Variants in IGF2BP2 observed in about 807,000 individuals in gnomAD.
IGF2BP2 encodes insulin-like growth factor 2 mRNA-binding protein 2.
Under a neutral mutation model 75.8 loss-of-function variants are expected in IGF2BP2, and 17 were observed. The ratio of observed to expected loss-of-function variants is 0.22; its 90% CI spans 0.15 to 0.34. The LOEUF (loss-of-function observed/expected upper bound fraction) is 0.34, where lower values mean the gene tolerates loss of function less well. IGF2BP2 is among the 10% of genes least tolerant of loss of function. The pLI is 1.00. For missense variants in IGF2BP2, 516 were observed against 772.4 expected (o/e 0.67, Z 3.93); for synonymous variants, 288 against 295.6 (o/e 0.97, Z 0.26).
intron 10 of IGF2BP2, 49 bp from the exon 11 acceptor site, chr3:185,658,458 C>A: frequency 1.3e-6 from 2 of 1,532,934 alleles, no homozygotes; most frequent in South Asian, 2.3e-5. Flanking sequence ...CAGGGACTGT[C>A]ACTGGCCTCA....
In IGF2BP2 at chr3:185,652,140, C is replaced by T; in HGVS notation, c.1415G>A (p.Ser472Asn). 1 of 1,613,196 alleles carries T rather than the reference C, an allele frequency of 6.2e-7. No individual in the cohort carries two copies. The highest frequency in any genetic ancestry group is 1.3e-5 in the African/African-American group (1 of 75,070). The change falls in exon 13 of 16, where the codon AGC becomes AAC. Residue 472 changes from serine (S) to asparagine (N), a missense_variant. Transcript: ENST00000382199. ...KIAPAEGPDV[S>N]ERMVIITGPP... Reference sequence around the variant, plus strand: ...CCCGGTGATGATGACCATCCTTTCGCTGACGTCTGGGCCTTCCGCAGGGGC... The same window carrying T: ...CCCGGTGATGATGACCATCCTTTCGTTGACGTCTGGGCCTTCCGCAGGGGC...
At chr3:185,785,277 G>A (rs1231882745) in intron 2 of IGF2BP2, among the ~76,000 whole-genome samples, 2 of 147,862 alleles carry the variant, frequency 1.4e-5, no homozygotes, top group Middle Eastern at 3.2e-3. Context: ...CTCCAGCCTG[G>A]GCAACAGAGT....
rs1328042431 is a variant in IGF2BP2, at chr3:185,645,038, TA to T, written c.*492del. On this transcript the variant is annotated 3_prime_UTR_variant, in exon 16 of 16. Coordinates refer to ENST00000382199, the MANE Select transcript of IGF2BP2 (RefSeq NM_006548.6). The surrounding 1 kb of genome is among the most constrained non-coding windows in gnomAD (Gnocchi z 4.9). ...GATTAAAAATTGGAGTTAGTTGAGT[TA>T]TTTGATATATTATTTCTAAAATATA... The T allele has an allele frequency of 2.0e-5, 3 of 152,568 alleles. No individual in the cohort carries two copies. Among genetic ancestry groups the T allele is most frequent in the African/African-American group, 7.2e-5 (3 of 41,452 alleles). The allele number at this position is 152,568 out of a possible 1,614,324, so 9.5% of individuals were successfully genotyped here.
In IGF2BP2 at chr3:185,675,560, T is replaced by C; in HGVS notation, c.936-129A>G. ...TCAATTCCCTCCCAACACACTGTGGTGGAGAATCCCTGCCATCTTATTTCA... is the reference window on the plus strand; with the variant it reads ...TCAATTCCCTCCCAACACACTGTGGCGGAGAATCCCTGCCATCTTATTTCA... On this transcript the variant is annotated intron_variant, in intron 8 of 15. Coordinates refer to ENST00000382199, the MANE Select transcript of IGF2BP2 (RefSeq NM_006548.6). The C allele has an allele frequency of 2.6e-6, 3 of 1,160,826 alleles. No homozygotes were observed. In the Admixed American group the frequency reaches 8.0e-5, roughly 31 times the overall value. The allele number at this position is 1,160,826 out of a possible 1,614,324, so 71.9% of individuals were successfully genotyped here. A position where few individuals can be genotyped will look rare whatever the true frequency, so the allele number is the denominator to read the frequency against.
chr3:185,689,187 C>T, intron 6 of IGF2BP2, 168 bp downstream of exon 6: 2 of 673,210 alleles, frequency 3.0e-6, no homozygotes, highest in South Asian at 2.0e-5. Context: ...TGTCACAGCC[C>T]CCAGCTTGAT....
chr3:185,684,845 A>G (rs1157063297), intron 7 of IGF2BP2, among the ~76,000 whole-genome samples: 1 of 144,958 alleles, frequency 6.9e-6, no homozygotes, highest in Non-Finnish European at 1.5e-5. Context: ...GTGGGGAAGG[A>G]AAAAAAAAAA....
At chr3:185,719,639 G>C (rs1726194210) in intron 2 of IGF2BP2, among the ~76,000 whole-genome samples, 1 of 152,180 alleles carries the variant, frequency 6.6e-6, no homozygotes, top group Non-Finnish European at 1.5e-5. Context: ...TTCCAGACCA[G>C]CCTGGCCAAC....
At chr3:185,692,565 G>A (rs1722083801) in intron 5 of IGF2BP2, 134 bp downstream of exon 5, 1 of 719,770 alleles carries the variant, frequency 1.4e-6, no homozygotes, top group Non-Finnish European at 2.3e-6. Context: ...GAGCTCCATG[G>A]GTATGTCAAA....
intron 2 of IGF2BP2, among the ~76,000 whole-genome samples, chr3:185,783,375 G>A (rs565085117): frequency 4.6e-4 from 70 of 152,212 alleles, no homozygotes; most frequent in African/African-American, 1.7e-3. Context: ...TCTGCACAGG[G>A]GAAGAAGGAC....
At chr3:185,735,845 T>G (rs1206694194) in intron 2 of IGF2BP2, among the ~76,000 whole-genome samples, 1 of 152,158 alleles carries the variant, frequency 6.6e-6, no homozygotes, top group African/African-American at 2.4e-5. Context: ...GCCACAGAAG[T>G]GGAGCTCATT....
At chr3:185,677,068 T>TATATATATATATATATATAGAG in intron 7 of IGF2BP2, among the ~76,000 whole-genome samples, 24 of 35,848 alleles carry the variant, frequency 6.7e-4, no homozygotes, top group African/African-American at 9.4e-4. Flanking sequence ...TATATATATA[T>TATATATATATATATATATAGAG]AGAGAGAGAG....
intron 2 of IGF2BP2, among the ~76,000 whole-genome samples, chr3:185,769,427 A>C (rs1282449899): frequency 6.6e-6 from 1 of 152,164 alleles, no homozygotes; most frequent in African/African-American, 2.4e-5. Flanking sequence ...AACACTCAGA[A>C]GAACCTGTAA....
intron 12 of IGF2BP2, among the ~76,000 whole-genome samples, chr3:185,656,980 C>T (rs1226415278): frequency 6.6e-6 from 1 of 152,232 alleles, no homozygotes; most frequent in African/African-American, 2.4e-5. Context: ...ACCGCAGTCC[C>T]TTCCCTTAGC....
intron 7 of IGF2BP2, among the ~76,000 whole-genome samples, chr3:185,680,436 A>T (rs896959006): frequency 6.6e-6 from 1 of 152,242 alleles, no homozygotes; most frequent in Non-Finnish European, 1.5e-5. Context: ...AGGAGGGAAC[A>T]TTTCCAAGCT....
chr3:185,731,279 C>T (rs1407968879), intron 2 of IGF2BP2, among the ~76,000 whole-genome samples: 3 of 140,058 alleles, frequency 2.1e-5, no homozygotes, highest in Non-Finnish European at 4.5e-5. Flanking sequence ...TGGAGTCTTG[C>T]TGTATTACCC....
intron 7 of IGF2BP2, among the ~76,000 whole-genome samples, chr3:185,679,899 G>A (rs1215924711): frequency 6.6e-6 from 1 of 152,124 alleles, no homozygotes; most frequent in Non-Finnish European, 1.5e-5. Flanking sequence ...ATAGGCATGA[G>A]CCACTTCACC....
chr3:185,737,060 T>A (rs1332762876), intron 2 of IGF2BP2, among the ~76,000 whole-genome samples: 2 of 152,244 alleles, frequency 1.3e-5, no homozygotes, highest in East Asian at 3.8e-4. Flanking sequence ...ATGTTTCGCA[T>A]TAATTTGTAT....
intron 2 of IGF2BP2, among the ~76,000 whole-genome samples, chr3:185,726,221 C>A (rs891172778): frequency 6.6e-6 from 1 of 152,104 alleles, no homozygotes; most frequent in Non-Finnish European, 1.5e-5. Flanking sequence ...AGAAAAGGGA[C>A]TGGAACCCAA....
rs185391088 is a variant in IGF2BP2 at position 185,774,743 on chromosome 3, C to A, written c.239+48410G>T. On this transcript the variant is annotated intron_variant, in intron 2 of 15. Transcript: ENST00000382199. ...CTGGGGACGGGCGTGGTGGCTCACA[C>A]CTGTAATCCCAGCACTTTGGGAGAC... Among the ~76,000 whole-genome samples, 1,258 of 152,206 alleles carry A rather than the reference C, an allele frequency of 8.3e-3. 19 individuals are homozygous for A. The highest frequency in any genetic ancestry group is 0.029 in the African/African-American group (1,203 of 41,510).
Sources: allele counts gnomAD v4.1 joint callset (sites outside exome capture counted in the v4.1 genomes callset), GRCh38; gene constraint gnomAD v4.1.1; non-coding constraint Gnocchi (gnomAD v3.1); transcripts MANE v1.5; gene names NCBI Gene and HGNC (gene_info 2026-07-23, HGNC 2026-07-21).